TRPS1: variants seen among roughly 807,000 people sequenced by gnomAD.
TRPS1 encodes the protein transcriptional repressor GATA binding 1.
Under a neutral mutation model 101.2 loss-of-function variants are expected in TRPS1, and 6 were observed. That is an observed-to-expected ratio of 0.06 (90% CI 0.03 to 0.12). TRPS1 has a LOEUF of 0.12. Among genes scored for constraint, TRPS1 ranks in the 10% least tolerant of loss-of-function variants. The pLI, the probability that TRPS1 is intolerant of heterozygous loss-of-function variation, is 1.00. For missense variants in TRPS1, 1,363 were observed against 1,567.0 expected (o/e 0.87, Z 2.20); for synonymous variants, 578 against 589.8 (o/e 0.98, Z 0.29).
chr8:115,492,491 G>T (rs796957701), intron 5 of TRPS1, among the ~76,000 whole-genome samples: 1 of 132,858 alleles, frequency 7.5e-6, no homozygotes, highest in Non-Finnish European at 1.8e-5. Context: ...GCGTGCGTGT[G>T]CGTGTTCGTG....
intron 5 of TRPS1, among the ~76,000 whole-genome samples, chr8:115,475,266 T>TTTTATATATA (rs1416101277): frequency 8.1e-6 from 1 of 124,004 alleles, no homozygotes; most frequent in African/African-American, 3.5e-5. Context: ...TGAATCACAG[T>TTTTATATATA]TATATATATA....
At chr8:115,543,038 A>G (rs576068814) in intron 5 of TRPS1, among the ~76,000 whole-genome samples, 3 of 152,330 alleles carry the variant, frequency 2.0e-5, no homozygotes, top group African/African-American at 7.2e-5. Flanking sequence ...GATTTCAGCA[A>G]GTCATTATGG....
intron 5 of TRPS1, among the ~76,000 whole-genome samples, chr8:115,510,747 G>A (rs920522886): frequency 6.6e-6 from 1 of 151,934 alleles, no homozygotes; most frequent in East Asian, 1.9e-4. Context: ...CAGATGTCAC[G>A]TTGCTTTATT....
chr8:115,585,092 G>T (rs1053064812), intron 5 of TRPS1, among the ~76,000 whole-genome samples: 4 of 152,088 alleles, frequency 2.6e-5, no homozygotes, highest in African/African-American at 9.7e-5. Flanking sequence ...TCATAGGGTT[G>T]GAATTTGGCT....
chr8:115,594,600 T>C (rs1256420240), intron 4 of TRPS1, among the ~76,000 whole-genome samples: 1 of 109,644 alleles, frequency 9.1e-6, no homozygotes, highest in Non-Finnish European at 1.9e-5. Context: ...TCAAGTGACT[T>C]AGAACCTCTG....
At chr8:115,519,177 GA>G (rs1815796203) in intron 5 of TRPS1, among the ~76,000 whole-genome samples, 2 of 150,674 alleles carry the variant, frequency 1.3e-5, no homozygotes, top group African/African-American at 4.9e-5. Context: ...AATTGGACAA[GA>G]AAAAAAGCAA....
intron 5 of TRPS1, among the ~76,000 whole-genome samples, chr8:115,500,276 C>T (rs1410380079): frequency 1.3e-5 from 2 of 152,098 alleles, no homozygotes; most frequent in East Asian, 3.9e-4. Context: ...GATCTACCCG[C>T]CTTGGCCTCC....
intron 5 of TRPS1, among the ~76,000 whole-genome samples, chr8:115,447,675 TTA>T (rs3069058): frequency 0.24 from 36,015 of 151,636 alleles, 5,030 homozygotes; most frequent in Middle Eastern, 0.42. Context: ...TGTCATATTT[TTA>T]TATATATATA....
chr8:115,579,945 C>T (rs1281170390), intron 5 of TRPS1, among the ~76,000 whole-genome samples: 1 of 151,958 alleles, frequency 6.6e-6, no homozygotes, highest in Non-Finnish European at 1.5e-5. Context: ...GATTCCTTTG[C>T]TTCACTCCTA....
chr8:115,420,160 C>T (rs1291314998), intron 5 of TRPS1, among the ~76,000 whole-genome samples: 2 of 152,120 alleles, frequency 1.3e-5, no homozygotes, highest in African/African-American at 4.8e-5. Context: ...TACTTCCCCC[C>T]ACCCGACTCT....
At chr8:115,424,257 CTT>C (rs1175804029) in intron 5 of TRPS1, among the ~76,000 whole-genome samples, 2 of 152,140 alleles carry the variant, frequency 1.3e-5, no homozygotes, top group African/African-American at 2.4e-5. Flanking sequence ...ATTTTTAACT[CTT>C]TAAATATTTT....
At chr8:115,451,003 G>T (rs1813857300) in intron 5 of TRPS1, among the ~76,000 whole-genome samples, 1 of 152,154 alleles carries the variant, frequency 6.6e-6, no homozygotes. Flanking sequence ...ACAAAAGGGT[G>T]GTTAGAGTGA....
intron 3 of TRPS1, among the ~76,000 whole-genome samples, chr8:115,616,027 C>T (rs909294746): frequency 1.2e-4 from 18 of 152,146 alleles, no homozygotes; most frequent in African/African-American, 4.3e-4. Flanking sequence ...TATAGCTTCT[C>T]TTGTTTTCTT....
chr8:115,417,924 T>C (rs958990840), intron 6 of TRPS1, among the ~76,000 whole-genome samples: 4 of 152,184 alleles, frequency 2.6e-5, no homozygotes, highest in African/African-American at 7.2e-5. Flanking sequence ...CACGAATTCT[T>C]TCCCTGACTT....
intron 5 of TRPS1, among the ~76,000 whole-genome samples, chr8:115,496,790 C>T (rs1239015223): frequency 6.6e-6 from 1 of 152,126 alleles, no homozygotes; most frequent in Non-Finnish European, 1.5e-5. Flanking sequence ...ACCGTGAAGT[C>T]CTGATTAATA....
At chr8:115,468,917 A>T (rs1814394080) in intron 5 of TRPS1, among the ~76,000 whole-genome samples, 1 of 152,002 alleles carries the variant, frequency 6.6e-6, no homozygotes, top group East Asian at 1.9e-4. Context: ...AGGACAAGAG[A>T]TCATATGAGG....
At chr8:115,562,749 G>GA (rs1171856430) in intron 5 of TRPS1, among the ~76,000 whole-genome samples, 1 of 151,546 alleles carries the variant, frequency 6.6e-6, no homozygotes, top group African/African-American at 2.4e-5. Context: ...AACAAAAGGA[G>GA]AAAAAAAGGA....
At chr8:115,446,532 T>C (rs913606934) in intron 5 of TRPS1, among the ~76,000 whole-genome samples, 20 of 152,136 alleles carry the variant, frequency 1.3e-4, no homozygotes, top group Non-Finnish European at 1.3e-4. Context: ...GAATCTTGCA[T>C]CAATTTAGTT....
At chr8:115,436,693 A>G (rs914332465) in intron 5 of TRPS1, among the ~76,000 whole-genome samples, 13 of 152,176 alleles carry the variant, frequency 8.5e-5, no homozygotes, top group African/African-American at 3.1e-4. Context: ...TCTGTGTTAC[A>G]AATTACCCTG....
Sources: allele counts gnomAD v4.1 joint callset (sites outside exome capture counted in the v4.1 genomes callset), GRCh38; gene constraint gnomAD v4.1.1; transcripts MANE v1.5; gene names NCBI Gene and HGNC (gene_info 2026-07-23, HGNC 2026-07-21).